PCBP3: variants seen among roughly 807,000 people sequenced by gnomAD.
The protein encoded by PCBP3 is poly(rC) binding protein 3.
Under a neutral mutation model 52.7 loss-of-function variants are expected in PCBP3, and 25 were observed. That is an observed-to-expected ratio of 0.47 (90% CI 0.35 to 0.66). PCBP3 has a LOEUF of 0.66. PCBP3 is among the 30% of genes least tolerant of loss of function. The pLI, the probability that PCBP3 is intolerant of heterozygous loss-of-function variation, is 0.01. For missense variants in PCBP3, 391 were observed against 490.3 expected, an observed-to-expected ratio of 0.80 and a Z score of 1.91; for synonymous variants, 162 against 183.0, an observed-to-expected ratio of 0.89 and a Z score of 0.93.
chr21:45,709,377 A>G (rs1323573048), intron 2 of PCBP3, among the ~76,000 whole-genome samples: 1 of 152,208 alleles, frequency 6.6e-6, no homozygotes, highest in African/African-American at 2.4e-5. Context: ...GGGTGCCTCA[A>G]ATGATGAAAT....
At chr21:45,936,589 C>T (rs1341387837) in intron 16 of PCBP3, among the ~76,000 whole-genome samples, 2 of 152,240 alleles carry the variant, frequency 1.3e-5, no homozygotes, top group African/African-American at 4.8e-5. Flanking sequence ...CCAACCCTTT[C>T]CCTCACTGCA....
At chr21:45,835,331 G>A (rs770683036) in intron 4 of PCBP3, among the ~76,000 whole-genome samples, 14 of 152,142 alleles carry the variant, frequency 9.2e-5, no homozygotes, top group Non-Finnish European at 1.3e-4. Flanking sequence ...TAGCAGCACC[G>A]GAGCTGCTCT....
At chr21:45,797,153 T>C (rs2146551005) in intron 4 of PCBP3, among the ~76,000 whole-genome samples, 1 of 152,318 alleles carries the variant, frequency 6.6e-6, no homozygotes, top group East Asian at 1.9e-4. Context: ...ATAGTAAATA[T>C]GTGGATGGAC....
chr21:45,716,292 G>T (rs1159570335), intron 2 of PCBP3, among the ~76,000 whole-genome samples: 1 of 152,050 alleles, frequency 6.6e-6, no homozygotes, highest in East Asian at 1.9e-4. Flanking sequence ...TAAATGTAAG[G>T]GTTAATTTGT....
chr21:45,824,770 C>T lies in PCBP3; in HGVS notation c.-125-25191C>T, dbSNP rs549493846. ...GGCTGCTCCCCACTGTGCATCCACCCGGATTCACCCGCTGCTTTGCTGGCT... is the reference window on the plus strand; with the variant it reads ...GGCTGCTCCCCACTGTGCATCCACCTGGATTCACCCGCTGCTTTGCTGGCT... On this transcript the variant is annotated intron_variant, in intron 4 of 17. Transcript: ENST00000681687. Among the ~76,000 whole-genome samples, 5 of 152,312 alleles carry T rather than the reference C, an allele frequency of 3.3e-5. No homozygotes were observed. In the East Asian group the frequency reaches 5.8e-4, roughly 18 times the overall value.
chr21:45,780,318 T>G (rs1320184999), intron 4 of PCBP3, among the ~76,000 whole-genome samples: 1 of 152,224 alleles, frequency 6.6e-6, no homozygotes, highest in Non-Finnish European at 1.5e-5. Context: ...ACTGTTGTGA[T>G]TTTTTCCTCT....
At chr21:45,896,952 A>G (rs1429893437) in intron 6 of PCBP3, among the ~76,000 whole-genome samples, 1 of 126,514 alleles carries the variant, frequency 7.9e-6, no homozygotes, top group Non-Finnish European at 1.7e-5. Context: ...AGAACCGGAG[A>G]TGCACTGCCC....
At chr21:45,761,429 C>T (rs1326594344) in intron 4 of PCBP3, 2 of 152,240 alleles carry the variant, frequency 1.3e-5, no homozygotes, top group African/African-American at 4.8e-5. Flanking sequence ...GTCCATTTTA[C>T]TCCTAGGTTC....
chr21:45,687,792 A>T (rs556259382), intron 2 of PCBP3, among the ~76,000 whole-genome samples: 6 of 151,346 alleles, frequency 4.0e-5, no homozygotes, highest in Non-Finnish European at 7.4e-5. Flanking sequence ...TTGCAGTGGC[A>T]TGATCTCCAC....
intron 5 of PCBP3, among the ~76,000 whole-genome samples, chr21:45,856,968 A>G (rs2094323680): frequency 6.6e-6 from 1 of 152,230 alleles, no homozygotes; most frequent in Admixed American, 6.5e-5. Flanking sequence ...GATCATAGAA[A>G]GGAAATGCTC....
intron 5 of PCBP3, among the ~76,000 whole-genome samples, chr21:45,855,467 G>T (rs3788206): frequency 3.9e-5 from 6 of 152,122 alleles, no homozygotes; most frequent in South Asian, 4.1e-4. Flanking sequence ...CAGCACAGAG[G>T]GGGGCATGCG....
intron 17 of PCBP3, 123 bp downstream of exon 17, chr21:45,940,322 C>A: frequency 1.3e-6 from 1 of 775,664 alleles, no homozygotes; most frequent in Non-Finnish European, 2.0e-6. Context: ...GCCTCCCCTT[C>A]TGTCCCCTCT....
At chr21:45,660,414 A>G (rs1489442043) in intron 1 of PCBP3, among the ~76,000 whole-genome samples, 1 of 152,126 alleles carries the variant, frequency 6.6e-6, no homozygotes, top group Non-Finnish European at 1.5e-5. Context: ...ATCCATTTAG[A>G]CAATTTCTGT....
intron 2 of PCBP3, among the ~76,000 whole-genome samples, chr21:45,706,727 T>G (rs1319949340): frequency 6.6e-6 from 1 of 152,212 alleles, no homozygotes; most frequent in African/African-American, 2.4e-5. Context: ...CAGGCTGATG[T>G]GGAGCATCCA....
At chr21:45,939,860 C>A (rs2077266190) in intron 16 of PCBP3, among the ~76,000 whole-genome samples, 170 bp from the exon 17 acceptor site, 1 of 152,158 alleles carries the variant, frequency 6.6e-6, no homozygotes, top group African/African-American at 2.4e-5. Flanking sequence ...GGATCAGGCA[C>A]CACCTGCAGG....
intron 5 of PCBP3, among the ~76,000 whole-genome samples, chr21:45,852,256 A>T (rs1205945239): frequency 1.3e-5 from 2 of 152,276 alleles, no homozygotes; most frequent in Admixed American, 1.3e-4. Context: ...GCTTAAAAAA[A>T]GCTGACGGCT....
chr21:45,696,531 G>A (rs1407244366), intron 2 of PCBP3, among the ~76,000 whole-genome samples: 7 of 152,144 alleles, frequency 4.6e-5, no homozygotes, highest in East Asian at 1.9e-4. Context: ...GGTGGTTCAT[G>A]CCTGTAATCC....
At chr21:45,697,370 C>G (rs1236693510) in intron 2 of PCBP3, among the ~76,000 whole-genome samples, 3 of 152,192 alleles carry the variant, frequency 2.0e-5, no homozygotes, top group East Asian at 3.9e-4. Context: ...TATGCTCCAG[C>G]ACAAACTTGT....
chr21:45,784,649 G>T (rs1356409133), intron 4 of PCBP3, among the ~76,000 whole-genome samples: 1 of 152,254 alleles, frequency 6.6e-6, no homozygotes. Context: ...TTTGGGTGGA[G>T]ACGGGGTTTC....
Sources: allele counts gnomAD v4.1 joint callset (sites outside exome capture counted in the v4.1 genomes callset), GRCh38; gene constraint gnomAD v4.1.1; transcripts MANE v1.5; gene names NCBI Gene and HGNC (gene_info 2026-07-23, HGNC 2026-07-21).